SEC63: variants seen among roughly 807,000 people sequenced by gnomAD.
SEC63 encodes the protein SEC63 protein translocation regulator.
In SEC63, 56 loss-of-function variants were observed where a neutral mutation model predicts 116.2. The observed-to-expected ratio is 0.48, with a 90% CI of 0.39 to 0.60. The LOEUF (loss-of-function observed/expected upper bound fraction) is 0.60, where lower values mean the gene tolerates loss of function less well. Ranked by LOEUF, SEC63 falls within the 20% of genes least tolerant of loss-of-function variation. SEC63 has a pLI of 0.00. For missense variants in SEC63, 668 were observed against 900.0 expected (o/e 0.74, Z 3.30); for synonymous variants, 273 against 294.6 (o/e 0.93, Z 0.75).
At position 107,911,427 on chromosome 6, in the gene SEC63, TTCGTCAGGTA is replaced by T. The variant is rs750941927; in HGVS notation, c.574-41_574-32del. 1.9e-5 allele frequency: 27 copies of T among 1,453,798 alleles called. No individual in the cohort carries two copies. In the East Asian group the frequency reaches 5.9e-4, roughly 32 times the overall value. 90.1% of individuals were successfully genotyped at this position (1,453,798 alleles called of 1,614,324 possible). On this transcript the variant is annotated intron_variant, in intron 6 of 20. Transcript: ENST00000369002. Reference sequence around the variant, plus strand: ...ATTGAAGAGAAAAAGAATTATGGCCTTCGTCAGGTAAATTAAAACAACATCCATGAATTTA... The same window carrying T: ...ATTGAAGAGAAAAAGAATTATGGCCTAATTAAAACAACATCCATGAATTTA...
At chr6:107,922,526 TAAATA>T (rs1264498869) in intron 3 of SEC63, among the ~76,000 whole-genome samples, 1 of 151,988 alleles carries the variant, frequency 6.6e-6, no homozygotes, top group Non-Finnish European at 1.5e-5. Flanking sequence ...AAGATAAAAA[TAAATA>T]AATATCAAAA....
intron 1 of SEC63, among the ~76,000 whole-genome samples, chr6:107,933,311 A>C (rs2114493659): frequency 6.6e-6 from 1 of 152,210 alleles, no homozygotes; most frequent in East Asian, 1.9e-4. Context: ...CAGAATTATT[A>C]AGAGAACAAA....
chr6:107,875,460 G>A (rs1397601288), intron 19 of SEC63, among the ~76,000 whole-genome samples: 1 of 152,194 alleles, frequency 6.6e-6, no homozygotes, highest in Non-Finnish European at 1.5e-5. Context: ...ACTTTGGGAG[G>A]CCAAAGCAGG....
At chr6:107,877,858 A>T (rs1196942069) in intron 18 of SEC63, among the ~76,000 whole-genome samples, 1 of 152,234 alleles carries the variant, frequency 6.6e-6, no homozygotes, top group Non-Finnish European at 1.5e-5. Context: ...CTGTTTAAAT[A>T]CCTTCGGAGA....
chr6:107,921,910 C>A lies in SEC63; in HGVS notation c.340-1G>T, dbSNP rs1562330293. 2.3e-6 allele frequency: 3 copies of A among 1,302,328 alleles called. No homozygotes were observed. Among genetic ancestry groups the A allele is most frequent in the Middle Eastern group, 1.9e-4 (1 of 5,378 alleles). 80.7% of individuals were successfully genotyped at this position (1,302,328 alleles called of 1,614,324 possible). On this transcript the variant is annotated splice_acceptor_variant, in intron 3 of 20. Transcript: ENST00000369002. LOFTEE classifies it high-confidence loss of function. ...TTTTAATTTCTGCTACTGTGGCTCC[C>A]TGGGGAAAAACAAAAAAAAAAAACA...
chr6:107,906,621 T>TA (rs536077743), intron 9 of SEC63, 41 bp from the exon 10 acceptor site: 293 of 1,606,906 alleles, frequency 1.8e-4, no homozygotes, highest in African/African-American at 2.1e-4. Context: ...ACGCTTTTTT[T>TA]AAAAAAAGTA....
chr6:107,893,358 G>T, intron 16 of SEC63, 124 bp downstream of exon 16: 2 of 868,910 alleles, frequency 2.3e-6, no homozygotes, highest in Non-Finnish European at 1.8e-6. Context: ...GCACAAGGGA[G>T]CTTTCTAGGG....
At chr6:107,927,858 T>C (rs866486607) in intron 2 of SEC63, among the ~76,000 whole-genome samples, 5 of 152,202 alleles carry the variant, frequency 3.3e-5, no homozygotes, top group Admixed American at 2.0e-4. Context: ...TATTACCTAA[T>C]ATAATACACA....
At chr6:107,950,425 A>C (rs1351231894) in intron 1 of SEC63, among the ~76,000 whole-genome samples, 1 of 152,206 alleles carries the variant, frequency 6.6e-6, no homozygotes, top group Non-Finnish European at 1.5e-5. Flanking sequence ...AACTAGATCT[A>C]ACAGACATAT....
At chr6:107,891,185 G>A (rs1050456203) in intron 16 of SEC63, among the ~76,000 whole-genome samples, 6 of 152,164 alleles carry the variant, frequency 3.9e-5, no homozygotes, top group African/African-American at 9.6e-5. Context: ...CATTCTCCCC[G>A]TCACTTTCAG....
intron 11 of SEC63, among the ~76,000 whole-genome samples, chr6:107,903,731 A>G (rs1787064859): frequency 6.6e-6 from 1 of 152,192 alleles, no homozygotes; most frequent in Non-Finnish European, 1.5e-5. Context: ...CATATGAATC[A>G]CTTTTATATC....
At chr6:107,875,557 C>T (rs760897725) in intron 19 of SEC63, among the ~76,000 whole-genome samples, 1 of 151,794 alleles carries the variant, frequency 6.6e-6, no homozygotes, top group Non-Finnish European at 1.5e-5. Flanking sequence ...ATTAGCCGGG[C>T]GTGGCTAATT....
intron 1 of SEC63, among the ~76,000 whole-genome samples, chr6:107,946,088 C>T (rs906940132): frequency 6.6e-6 from 1 of 151,074 alleles, no homozygotes; most frequent in Non-Finnish European, 1.5e-5. Flanking sequence ...AAGCGTGTAC[C>T]ACCATGCCCA....
intron 4 of SEC63, among the ~76,000 whole-genome samples, chr6:107,915,784 G>A (rs1048692410): frequency 6.6e-6 from 1 of 152,112 alleles, no homozygotes; most frequent in South Asian, 2.1e-4. Flanking sequence ...TTATTCATGA[G>A]ATAGGAACTT....
intron 12 of SEC63, 127 bp downstream of exon 12, chr6:107,902,717 T>TA: frequency 1.1e-6 from 1 of 882,236 alleles, no homozygotes; most frequent in Non-Finnish European, 1.8e-6. Flanking sequence ...GAGAAAGTTT[T>TA]AGAGTATTTA....
intron 4 of SEC63, among the ~76,000 whole-genome samples, chr6:107,921,282 T>G (rs984127424): frequency 2.6e-5 from 4 of 152,108 alleles, no homozygotes; most frequent in Non-Finnish European, 5.9e-5. Flanking sequence ...TAACTTATCA[T>G]TCACCACTTA....
intron 14 of SEC63, among the ~76,000 whole-genome samples, chr6:107,896,299 A>G (rs933109068): frequency 1.3e-5 from 2 of 152,154 alleles, no homozygotes; most frequent in African/African-American, 4.8e-5. Context: ...CCCCATCTCT[A>G]CTAAAAATAC....
At chr6:107,884,734 T>C (rs1786489691) in intron 16 of SEC63, among the ~76,000 whole-genome samples, 1 of 151,988 alleles carries the variant, frequency 6.6e-6, no homozygotes, top group Non-Finnish European at 1.5e-5. Flanking sequence ...ACAAGGATAT[T>C]ACAAAAAAGG....
At chr6:107,886,447 G>A (rs1228342558) in intron 16 of SEC63, among the ~76,000 whole-genome samples, 2 of 152,282 alleles carry the variant, frequency 1.3e-5, no homozygotes, top group Middle Eastern at 6.8e-3. Flanking sequence ...CTTCCACAAG[G>A]GTTGAACTAG....
Sources: gnomAD v4.1 joint callset for allele counts (sites outside exome capture counted in the v4.1 genomes callset) on GRCh38, gnomAD v4.1.1 for gene constraint, MANE v1.5 for transcripts, NCBI Gene and HGNC (gene_info 2026-07-23, HGNC 2026-07-21) for gene names.